The following KCNH1 variants were observed in gnomAD, a reference collection of about 807,000 sequenced individuals.
The protein encoded by KCNH1 is voltage-gated delayed rectifier potassium channel KCNH1.
A neutral mutation model predicts 69.2 loss-of-function variants in KCNH1; 27 were observed. That is an observed-to-expected ratio of 0.39 (90% CI 0.29 to 0.54). The LOEUF is 0.54. Ranked by LOEUF, KCNH1 falls within the 20% of genes least tolerant of loss-of-function variation. The pLI is 0.68. For synonymous variants in KCNH1, 456 were observed against 487.7 expected (o/e 0.93, Z 0.86); for missense variants, 798 against 1,261.6 (o/e 0.63, Z 5.57).
intron 10 of KCNH1, among the ~76,000 whole-genome samples, chr1:210,713,435 T>C (rs1276499313): frequency 6.6e-6 from 1 of 152,090 alleles, no homozygotes; most frequent in Non-Finnish European, 1.5e-5. Context: ...GTCTGTTCTC[T>C]CCTTTCTTCC....
intron 10 of KCNH1, among the ~76,000 whole-genome samples, chr1:210,704,667 C>T (rs1178277046): frequency 1.3e-5 from 2 of 152,226 alleles, no homozygotes; most frequent in Non-Finnish European, 2.9e-5. Flanking sequence ...AGATCCATGG[C>T]TCTTCCAAAC....
intron 9 of KCNH1, among the ~76,000 whole-genome samples, chr1:210,777,415 A>T (rs1189831278): frequency 2.6e-5 from 4 of 152,154 alleles, no homozygotes; most frequent in Non-Finnish European, 5.9e-5. Flanking sequence ...CTTCCAGGCA[A>T]ATATGTCTTT....
chr1:211,120,189 CA>C (rs1314232553), intron 1 of KCNH1, among the ~76,000 whole-genome samples: 6 of 146,056 alleles, frequency 4.1e-5, no homozygotes, highest in Admixed American at 6.9e-5. Context: ...TATATATATA[CA>C]TTTTTTTTTT....
In KCNH1 at chr1:210,798,042, T is replaced by TA. The variant is rs1381332825; in HGVS notation, c.1663-283_1663-282insT. On this transcript the variant is annotated intron_variant, in intron 8 of 10. Transcript: ENST00000271751. Reference sequence around the variant, plus strand: ...AGAAGGCTTCTCTGGGAAGGTGACTTTTTTTTTTTTTTTTTAAGACAGAGT... The same window carrying TA: ...AGAAGGCTTCTCTGGGAAGGTGACTTATTTTTTTTTTTTTTTAAGACAGAGT... 2.9e-5 allele frequency among the ~76,000 whole-genome samples: 4 copies of TA among 135,830 alleles called. No individual in the cohort carries two copies. In the South Asian group the frequency reaches 6.8e-4, roughly 23 times the overall value. The allele number at this position is 135,830 out of a possible 152,430, so 89.1% of individuals were successfully genotyped here. A position where few individuals can be genotyped will look rare whatever the true frequency, so the allele number is the denominator to read the frequency against.
rs1391033878 is a variant in KCNH1, at chr1:210,861,787, C to T, written c.1463-57621G>A. 4 of 768,524 alleles carry T rather than the reference C, an allele frequency of 5.2e-6. No individual in the cohort carries two copies. In the East Asian group the frequency reaches 7.3e-5, roughly 14 times the overall value. The allele number at this position is 768,524 out of a possible 1,614,324, so 47.6% of individuals were successfully genotyped here. ...ATGCTGCATTGCTGCTACCAATGGA[C>T]TCCACTCCTCTAGTTTTTTATACTC... On this transcript the variant is annotated intron_variant, in intron 7 of 10. Coordinates refer to ENST00000271751, the MANE Select transcript of KCNH1 (RefSeq NM_172362.3).
chr1:211,081,335 T>A (rs1690855105), intron 5 of KCNH1, among the ~76,000 whole-genome samples: 1 of 152,212 alleles, frequency 6.6e-6, no homozygotes, highest in South Asian at 2.1e-4. Context: ...CTAGAGAGGA[T>A]GTGGAGAAAT....
chr1:210,871,221 C>T (rs910833584), intron 7 of KCNH1, among the ~76,000 whole-genome samples: 5 of 152,022 alleles, frequency 3.3e-5, no homozygotes, highest in African/African-American at 9.7e-5. Flanking sequence ...AACAAACAAC[C>T]CCATCAAAAA....
chr1:210,842,695 T>C (rs1685436813), intron 7 of KCNH1, among the ~76,000 whole-genome samples: 1 of 152,174 alleles, frequency 6.6e-6, no homozygotes, highest in African/African-American at 2.4e-5. Context: ...TTGACAACCC[T>C]AATAGACCCA....
intron 5 of KCNH1, among the ~76,000 whole-genome samples, chr1:211,079,245 T>A (rs1008430564): frequency 1.4e-4 from 22 of 152,174 alleles, no homozygotes; most frequent in Non-Finnish European, 3.2e-4. Flanking sequence ...TGGACACATA[T>A]GCCCTCCCAA....
At chr1:211,084,264 C>A (rs1190087670) in intron 4 of KCNH1, among the ~76,000 whole-genome samples, 3 of 152,150 alleles carry the variant, frequency 2.0e-5, no homozygotes, top group Non-Finnish European at 4.4e-5. Flanking sequence ...GAGGCAGGCT[C>A]TACTTCAGCT....
chr1:210,908,688 A>C (rs2102546235), intron 7 of KCNH1, among the ~76,000 whole-genome samples: 1 of 152,232 alleles, frequency 6.6e-6, no homozygotes, highest in Non-Finnish European at 1.5e-5. Context: ...CTCACACCAA[A>C]CCGAGTGATC....
rs201537559 is a variant in KCNH1, at chr1:210,971,112, G to A, written c.1032+47671C>T. 3.3e-5 allele frequency among the ~76,000 whole-genome samples: 5 copies of A among 152,158 alleles called. No individual in the cohort carries two copies. The East Asian group carries it at 9.7e-4, about 29-fold the overall frequency. On this transcript the variant is annotated intron_variant, in intron 6 of 10. Transcript: ENST00000271751. ...GTGAGATACCATCTCATGCCAGTCA[G>A]AATGATGATTTTTTTTGTTTAGCAG... is the stretch of plus-strand genomic sequence containing the variant.
At chr1:210,823,950 C>A (rs1684984440) in intron 7 of KCNH1, among the ~76,000 whole-genome samples, 1 of 125,160 alleles carries the variant, frequency 8.0e-6, no homozygotes, top group Admixed American at 8.4e-5. Flanking sequence ...ATTTTTCTTG[C>A]TCAGGCTTTT....
intron 7 of KCNH1, among the ~76,000 whole-genome samples, chr1:210,824,816 G>A (rs1685002870): frequency 6.6e-6 from 1 of 152,086 alleles, no homozygotes; most frequent in Non-Finnish European, 1.5e-5. Context: ...ATGCTCATTG[G>A]TCTTAGATTT....
chr1:211,106,513 G>A (rs1409098181), intron 2 of KCNH1, among the ~76,000 whole-genome samples: 2 of 152,176 alleles, frequency 1.3e-5, no homozygotes, highest in African/African-American at 4.8e-5. Flanking sequence ...GGCCAGGCAT[G>A]GTGGCTCACG....
At chr1:210,706,342 T>C (rs1165410125) in intron 10 of KCNH1, among the ~76,000 whole-genome samples, 6 of 152,234 alleles carry the variant, frequency 3.9e-5, no homozygotes, top group South Asian at 2.1e-4. Flanking sequence ...GTCATTGATA[T>C]GTGCAGGGGA....
intron 5 of KCNH1, among the ~76,000 whole-genome samples, chr1:211,080,180 A>G (rs1690825002): frequency 6.6e-6 from 1 of 152,206 alleles, no homozygotes; most frequent in Non-Finnish European, 1.5e-5. Context: ...AATAATAGAC[A>G]AACAGAGAGC....
At chr1:210,774,253 C>G (rs757634995) in intron 10 of KCNH1, among the ~76,000 whole-genome samples, 2 of 152,094 alleles carry the variant, frequency 1.3e-5, no homozygotes, top group Non-Finnish European at 2.9e-5. Flanking sequence ...AGGGCAGACA[C>G]GAGGCAGGAA....
chr1:210,856,814 A>ATAT (rs1685851153), intron 7 of KCNH1, among the ~76,000 whole-genome samples: 1 of 131,884 alleles, frequency 7.6e-6, no homozygotes, highest in Non-Finnish European at 1.6e-5. Flanking sequence ...TATATATATT[A>ATAT]TATATATTTT....
Sources: allele counts gnomAD v4.1 joint callset (sites outside exome capture counted in the v4.1 genomes callset), GRCh38; gene constraint gnomAD v4.1.1; transcripts MANE v1.5; gene names NCBI Gene and HGNC (gene_info 2026-07-23, HGNC 2026-07-21).